The following OR2A12 variants were observed in gnomAD, a reference collection of about 807,000 sequenced individuals.
OR2A12 encodes the protein olfactory receptor family 2 subfamily A member 12.
For missense variants in OR2A12, 380 were observed against 372.5 expected, an observed-to-expected ratio of 1.02 and a Z score of -0.17; for synonymous variants, 153 against 149.3, an observed-to-expected ratio of 1.02 and a Z score of -0.18.
intron 1 of OR2A12, among the ~76,000 whole-genome samples, chr7:144,087,935 C>T (rs1001374849): frequency 6.6e-6 from 1 of 152,136 alleles, no homozygotes; most frequent in Non-Finnish European, 1.5e-5. Flanking sequence ...GATAGCCAAC[C>T]GACACAGCAT....
chr7:144,095,739 G>GA lies in OR2A12; in HGVS notation c.632_633insA (p.Cys211Ter). ...GSAFILVGPL[C>*]LVLVSYLHIL... ...GCGTTCATCTTAGTGGGGCCGCTCT[G>GA]CCTGGTGCTGGTCTCCTACTTGCAC... is the stretch of plus-strand genomic sequence containing the variant. The change falls in exon 2 of 2, where the codon TGC becomes TGAC. Residue 211 changes from cysteine (C) to a stop codon, truncating the protein, a stop_gained and frameshift_variant. Coordinates refer to ENST00000641592, the MANE Select transcript of OR2A12 (RefSeq NM_001004135.2). LOFTEE classifies it low-confidence loss of function (END_TRUNC). 6.2e-7 allele frequency: 1 copy of GA among 1,614,080 alleles called. No individual in the cohort carries two copies. Among genetic ancestry groups the GA allele is most frequent in the South Asian group, 1.1e-5 (1 of 91,086 alleles).
intron 1 of OR2A12, among the ~76,000 whole-genome samples, chr7:144,090,755 C>G (rs186502347): frequency 6.6e-6 from 1 of 152,278 alleles, no homozygotes; most frequent in Non-Finnish European, 1.5e-5. Flanking sequence ...TATCATTAAG[C>G]TCCCACATAT....
intron 1 of OR2A12, 122 bp from the exon 2 acceptor site, chr7:144,094,935 G>T: frequency 2.0e-6 from 1 of 506,392 alleles, no homozygotes; most frequent in Non-Finnish European, 3.4e-6. Context: ...ATCTCTAAAA[G>T]CCAAATTTGT....
At position 144,086,411 on chromosome 7, in the gene OR2A12, C is replaced by T. The variant is rs1384534583; in HGVS notation, c.-184C>T. Reference sequence around the variant, plus strand: ...AGAGGCATACACACCTGCCCCACACCTACACACGCTGACACTCATACGAAT... The same window carrying T: ...AGAGGCATACACACCTGCCCCACACTTACACACGCTGACACTCATACGAAT... On this transcript the variant is annotated 5_prime_UTR_variant, in exon 1 of 2. Transcript: ENST00000641592. The T allele has an allele frequency of 1.3e-5, 2 of 153,048 alleles. No individual in the cohort carries two copies. The highest frequency in any genetic ancestry group is 2.4e-5 in the African/African-American group (1 of 41,448). The allele number at this position is 153,048 out of a possible 1,614,324, so 9.5% of individuals were successfully genotyped here. A position where few individuals can be genotyped will look rare whatever the true frequency, so the allele number is the denominator to read the frequency against.
intron 1 of OR2A12, among the ~76,000 whole-genome samples, chr7:144,088,819 C>T (rs1277179055): frequency 6.6e-6 from 1 of 152,142 alleles, no homozygotes; most frequent in African/African-American, 2.4e-5. Context: ...TCTTATGCTT[C>T]TTACTCTTTC....
In OR2A12 at chr7:144,095,364, T is replaced by A. The variant is rs776432952; in HGVS notation, c.257T>A (p.Met86Lys). The change falls in exon 2 of 2, where the codon ATG becomes AAG. Residue 86 changes from methionine (M) to lysine (K), a missense_variant. Met to Lys is a moderately conservative substitution (Grantham distance 95). Coordinates refer to ENST00000641592, the MANE Select transcript of OR2A12 (RefSeq NM_001004135.2). ...TVPKMLANLVMHKKVISFAPC... is the reference protein window; with the variant it reads ...TVPKMLANLVKHKKVISFAPC... Reference sequence around the variant, plus strand: ...CCTAAGATGCTAGCAAATCTTGTGATGCACAAAAAAGTCATCTCCTTTGCT... The same window carrying A: ...CCTAAGATGCTAGCAAATCTTGTGAAGCACAAAAAAGTCATCTCCTTTGCT... 2 of 1,613,556 alleles carry A rather than the reference T, an allele frequency of 1.2e-6. No homozygotes were observed. The highest frequency in any genetic ancestry group is 2.2e-5 in the South Asian group (2 of 91,080).
intron 1 of OR2A12, among the ~76,000 whole-genome samples, chr7:144,087,721 C>T (rs1268089668): frequency 6.6e-6 from 1 of 152,088 alleles, no homozygotes; most frequent in African/African-American, 2.4e-5. Context: ...AAAACAGAAT[C>T]CTGTCTGTAT....
chr7:144,095,653 C>G lies in OR2A12; in HGVS notation c.546C>G (p.Ser182=), dbSNP rs536525824. Residue 182 remains serine, a synonymous_variant, in exon 2 of 2, where the codon TCC becomes TCG. Transcript: ENST00000641592. ...KINHFFCQIM[S]VFKLACADTR... is the part of the protein sequence containing the mutation. ...ACCACTTTTTCTGTCAAATCATGTC[C>G]GTATTCAAATTGGCCTGTGCTGACA... 4 of 1,614,070 alleles carry G rather than the reference C, an allele frequency of 2.5e-6. No individual in the cohort carries two copies. Among genetic ancestry groups the G allele is most frequent in the Admixed American group, 1.7e-5 (1 of 60,020 alleles).
intron 1 of OR2A12, among the ~76,000 whole-genome samples, chr7:144,088,812 T>TA (rs1490807052): frequency 6.6e-6 from 1 of 152,344 alleles, no homozygotes; most frequent in East Asian, 1.9e-4. Context: ...TTTTAATTCT[T>TA]ATGCTTCTTA....
chr7:144,090,520 T>A (rs1448484256), intron 1 of OR2A12, among the ~76,000 whole-genome samples: 1 of 152,172 alleles, frequency 6.6e-6, no homozygotes, highest in African/African-American at 2.4e-5. Flanking sequence ...GTAGGTTTTA[T>A]GGATACTCTT....
At chr7:144,087,637 A>G (rs1315700567) in intron 1 of OR2A12, among the ~76,000 whole-genome samples, 1 of 152,226 alleles carries the variant, frequency 6.6e-6, no homozygotes, top group Non-Finnish European at 1.5e-5. Flanking sequence ...ATTTAAAGGG[A>G]GAGATGTTTC....
chr7:144,095,707 G>C lies in OR2A12; in HGVS notation c.600G>C (p.Ala200=). Reference sequence around the variant, plus strand: ...GGCTCAACCAGGTGGTCCTATTTGCGGGTTCTGCGTTCATCTTAGTGGGGC... The same window carrying C: ...GGCTCAACCAGGTGGTCCTATTTGCCGGTTCTGCGTTCATCTTAGTGGGGC... The part of the protein sequence containing the change: ...DTRLNQVVLF[A]GSAFILVGPL... Residue 200 remains alanine (A), a synonymous_variant, in exon 2 of 2, where the codon GCG becomes GCC. Transcript: ENST00000641592. 1 of 1,614,092 alleles carries C rather than the reference G, an allele frequency of 6.2e-7. No individual in the cohort carries two copies. Among genetic ancestry groups the C allele is most frequent in the Non-Finnish European group, 8.5e-7 (1 of 1,180,020 alleles).
At position 144,093,551 on chromosome 7, in the gene OR2A12, A is replaced by G. The variant is rs10281715; in HGVS notation, c.-51-1506A>G. 7.4e-3 allele frequency among the ~76,000 whole-genome samples: 1,121 copies of G among 151,952 alleles called. 21 individuals are homozygous for G. Among genetic ancestry groups the G allele is most frequent in the African/African-American group, 0.026 (1,059 of 41,402 alleles). ...TTGCAGGTTTGTTACACATGTATAC[A>G]TGTGCAATGTTGGTGTGCTGCACCC... is the stretch of plus-strand genomic sequence containing the variant. On this transcript the variant is annotated intron_variant, in intron 1 of 1. Transcript: ENST00000641592.
At chr7:144,089,332 G>A (rs1384333667) in intron 1 of OR2A12, among the ~76,000 whole-genome samples, 10 of 151,530 alleles carry the variant, frequency 6.6e-5, no homozygotes, top group East Asian at 1.9e-4. Flanking sequence ...GTGTGTGTGC[G>A]CGTGTGTGCG....
chr7:144,089,566 G>GC (rs142306029), intron 1 of OR2A12, among the ~76,000 whole-genome samples: 6,836 of 151,508 alleles, frequency 0.045, 490 homozygotes, highest in African/African-American at 0.16. Flanking sequence ...CAAAAAAATT[G>GC]CTTTTTTTTC....
chr7:144,089,265 CAT>C (rs1247233806), intron 1 of OR2A12, among the ~76,000 whole-genome samples: 1 of 151,496 alleles, frequency 6.6e-6, no homozygotes, highest in African/African-American at 2.4e-5. Context: ...GTTTCTACAA[CAT>C]GTTTTCCATT....
rs1239331096 is a variant in OR2A12, at chr7:144,097,617, C to T, written c.*1577C>T. 3.3e-5 allele frequency: 5 copies of T among 151,956 alleles called. No homozygotes were observed. The highest frequency in any genetic ancestry group is 2.0e-4 in the Admixed American group (3 of 15,256). 9.4% of individuals were successfully genotyped at this position (151,956 alleles called of 1,614,324 possible). A position where few individuals can be genotyped will look rare whatever the true frequency, so the allele number is the denominator to read the frequency against. ...AGATATCAAAACACACTATATAGTG[C>T]TAATAAACAGAACAGTGTGGTATTT... On this transcript the variant is annotated 3_prime_UTR_variant, in exon 2 of 2. Transcript: ENST00000641592.
At chr7:144,088,311 C>T (rs2051201466) in intron 1 of OR2A12, among the ~76,000 whole-genome samples, 2 of 152,134 alleles carry the variant, frequency 1.3e-5, no homozygotes, top group African/African-American at 4.8e-5. Flanking sequence ...CGCGCCCAGC[C>T]GTTCTTCTGG....
chr7:144,092,262 G>A (rs1186303251), intron 1 of OR2A12, among the ~76,000 whole-genome samples: 1 of 152,126 alleles, frequency 6.6e-6, no homozygotes, highest in Non-Finnish European at 1.5e-5. Context: ...TAGCCCTGAA[G>A]TATAGTTTGA....
Sources: allele counts gnomAD v4.1 joint callset (sites outside exome capture counted in the v4.1 genomes callset), GRCh38; gene constraint gnomAD v4.1.1; transcripts MANE v1.5; gene names NCBI Gene and HGNC (gene_info 2026-07-23, HGNC 2026-07-21).